Variants in NAT1 observed in about 807,000 individuals in gnomAD.
The protein encoded by NAT1 is N-acetyltransferase 1.
For synonymous variants in NAT1, 144 were observed against 122.6 expected (o/e 1.17, Z -1.16); for missense variants, 400 against 339.2 (o/e 1.18, Z -1.41).
Position 18,191,994 on chromosome 8 carries a change from C to G in NAT1, n.93-17787C>G, listed in dbSNP as rs1232853946. 5.9e-5 allele frequency among the ~76,000 whole-genome samples: 9 copies of G among 151,880 alleles called. No individual in the cohort carries two copies. In the East Asian group the frequency reaches 1.4e-3, roughly 23 times the overall value. On this transcript the variant is annotated intron_variant and non_coding_transcript_variant, in intron 2 of 4. Coordinates refer to the NAT1 transcript ENST00000517441. The stretch of plus-strand genomic sequence containing the variant: ...AAAAGCCAAAATTGACAAATGGGAT[C>G]TAATTAAACTAAAGAGCTTCTGCAC...
chr8:18,187,938 C>A (rs996158705), intron 2 of NAT1, among the ~76,000 whole-genome samples: 14 of 45,860 alleles, frequency 3.1e-4, no homozygotes, highest in African/African-American at 1.5e-3. Flanking sequence ...GTATCTTAAA[C>A]ACACACACAC....
chr8:18,197,116 A>G (rs1803266916), intron 2 of NAT1, among the ~76,000 whole-genome samples: 1 of 152,280 alleles, frequency 6.6e-6, no homozygotes. Flanking sequence ...CTAACTCACT[A>G]TTATGAGAAC....
Position 18,222,041 on chromosome 8 carries a change from G to T in NAT1, c.-6-1G>T. The T allele has an allele frequency of 6.2e-7, 1 of 1,601,390 alleles. No individual in the cohort carries two copies. The highest frequency in any genetic ancestry group is 1.1e-5 in the South Asian group (1 of 89,472). On this transcript the variant is annotated splice_acceptor_variant, in intron 2 of 2. Coordinates refer to ENST00000307719, the MANE Select transcript of NAT1 (RefSeq NM_000662.8). LOFTEE classifies it low-confidence loss of function (5UTR_SPLICE). ...GCTTTCGTTTTGTTTTCCTTGCTTA[G>T]GGGATCATGGACATTGAAGCATATC... is the stretch of plus-strand genomic sequence containing the variant.
chr8:18,213,054 G>A (rs1804260219), intron 1 of NAT1, among the ~76,000 whole-genome samples: 1 of 145,142 alleles, frequency 6.9e-6, no homozygotes, highest in South Asian at 2.2e-4. Context: ...ATAGGCATGT[G>A]CCACCACACC....
At chr8:18,215,888 A>G (rs1804608752) in intron 1 of NAT1, among the ~76,000 whole-genome samples, 1 of 152,092 alleles carries the variant, frequency 6.6e-6, no homozygotes, top group Non-Finnish European at 1.5e-5. Context: ...TAGGAGATTT[A>G]TTTGCCAAAG....
chr8:18,203,631 A>C (rs191076671), intron 2 of NAT1, among the ~76,000 whole-genome samples: 10 of 152,292 alleles, frequency 6.6e-5, no homozygotes, highest in Middle Eastern at 3.4e-3. Flanking sequence ...TATGCTGGGA[A>C]GGGACAGACA....
intron 1 of NAT1, among the ~76,000 whole-genome samples, chr8:18,215,008 A>G (rs1804487926): frequency 6.6e-6 from 1 of 152,226 alleles, no homozygotes; most frequent in African/African-American, 2.4e-5. Flanking sequence ...TTTCCATGAA[A>G]GACATGATCT....
At chr8:18,196,892 A>G (rs1228773716) in intron 2 of NAT1, among the ~76,000 whole-genome samples, 3 of 152,204 alleles carry the variant, frequency 2.0e-5, no homozygotes, top group Non-Finnish European at 4.4e-5. Context: ...TTTCCATTTA[A>G]TTCTTGTATT....
upstream of NAT1, among the ~76,000 whole-genome samples, chr8:18,209,256 C>T (rs763927217): frequency 1.3e-5 from 2 of 152,224 alleles, no homozygotes; most frequent in Non-Finnish European, 2.9e-5. Flanking sequence ...CCCGAGTTCA[C>T]GTGGCAGGAC....
chr8:18,187,606 G>T (rs941638400), intron 2 of NAT1, among the ~76,000 whole-genome samples: 1 of 152,016 alleles, frequency 6.6e-6, no homozygotes, highest in Non-Finnish European at 1.5e-5. Flanking sequence ...TGCAGGAACA[G>T]AAAACCAAAT....
intron 1 of NAT1, among the ~76,000 whole-genome samples, chr8:18,218,417 C>T (rs925520754): frequency 1.3e-5 from 2 of 152,080 alleles, no homozygotes; most frequent in African/African-American, 2.4e-5. Context: ...TTAGAGCTTG[C>T]GGCGGGGGAG....
At chr8:18,218,961 T>C (rs931395346) in intron 1 of NAT1, among the ~76,000 whole-genome samples, 7 of 152,182 alleles carry the variant, frequency 4.6e-5, no homozygotes, top group Non-Finnish European at 1.0e-4. Flanking sequence ...TTAAGGGCCT[T>C]ACCTTGTTTA....
In NAT1 at chr8:18,221,065, C is replaced by T. The variant is rs190417411; in HGVS notation, c.-6-977C>T. Among the ~76,000 whole-genome samples, 5 of 152,294 alleles carry T rather than the reference C, an allele frequency of 3.3e-5. No individual in the cohort carries two copies. The East Asian group carries it at 7.7e-4, about 24-fold the overall frequency. On this transcript the variant is annotated intron_variant, in intron 2 of 2. Transcript: ENST00000307719. ...TTTCTCATTTCACTTACAGTAAAAA[C>T]CAAAATGCCAGTCTTAGCTCCAAGG... is the stretch of plus-strand genomic sequence containing the variant.
At chr8:18,221,769 A>G (rs1805323349) in intron 2 of NAT1, 2 of 318,408 alleles carry the variant, frequency 6.3e-6, no homozygotes, top group East Asian at 1.3e-4. Context: ...CAAGAGAACC[A>G]TGAACAAGCT....
chr8:18,194,984 C>A (rs781389853), intron 2 of NAT1, among the ~76,000 whole-genome samples: 56 of 151,990 alleles, frequency 3.7e-4, no homozygotes, highest in Non-Finnish European at 6.9e-4. Flanking sequence ...GAGATCAGAC[C>A]CTCTTCTCAC....
chr8:18,192,575 G>C (rs1362526338), intron 2 of NAT1, among the ~76,000 whole-genome samples: 1 of 152,130 alleles, frequency 6.6e-6, no homozygotes, highest in Non-Finnish European at 1.5e-5. Flanking sequence ...CAATAGCAAA[G>C]ACTTGGAACC....
intron 2 of NAT1, among the ~76,000 whole-genome samples, chr8:18,220,291 T>C (rs193214733): frequency 6.2e-4 from 94 of 151,882 alleles, no homozygotes; most frequent in Admixed American, 1.0e-3. Context: ...AAACTGGCAA[T>C]ATGGGGAGGA....
chr8:18,218,857 T>G (rs1382192542), intron 1 of NAT1, among the ~76,000 whole-genome samples: 2 of 152,172 alleles, frequency 1.3e-5, no homozygotes, highest in Non-Finnish European at 2.9e-5. Flanking sequence ...TTTTCTTTAG[T>G]GGAGGTGAGG....
chr8:18,187,936 A>ACACAC (rs1802810423), intron 2 of NAT1, among the ~76,000 whole-genome samples: 2 of 137,394 alleles, frequency 1.5e-5, no homozygotes, highest in Admixed American at 7.5e-5. Context: ...TTGTATCTTA[A>ACACAC]ACACACACAC....
Sources: gnomAD v4.1 joint callset for allele counts (sites outside exome capture counted in the v4.1 genomes callset) on GRCh38, gnomAD v4.1.1 for gene constraint, MANE v1.5 for transcripts, NCBI Gene and HGNC (gene_info 2026-07-23, HGNC 2026-07-21) for gene names.